GSK3B: variants seen among roughly 807,000 people sequenced by gnomAD.
GSK3B encodes glycogen synthase kinase 3 beta.
In GSK3B, 15 loss-of-function variants were observed where a neutral mutation model predicts 56.4. That is an observed-to-expected ratio of 0.27 (90% CI 0.18 to 0.41). GSK3B has a LOEUF of 0.41. GSK3B is among the 10% of genes least tolerant of loss of function. GSK3B has a pLI of 1.00. For synonymous variants in GSK3B, 181 were observed against 188.9 expected, an observed-to-expected ratio of 0.96 and a Z score of 0.34; for missense variants, 300 against 513.4, an observed-to-expected ratio of 0.58 and a Z score of 4.02.
At chr3:119,981,910 C>T (rs532076348) in intron 2 of GSK3B, among the ~76,000 whole-genome samples, 2 of 152,220 alleles carry the variant, frequency 1.3e-5, no homozygotes, top group African/African-American at 4.8e-5. Context: ...CCCTGACCCC[C>T]GTATAGCCTA....
intron 6 of GSK3B, among the ~76,000 whole-genome samples, chr3:119,908,549 C>T (rs753768545): frequency 1.1e-4 from 17 of 152,188 alleles, no homozygotes; most frequent in Admixed American, 2.0e-4. Context: ...GACACTCAAA[C>T]CCAGGTCGAC....
Position 119,822,713 on chromosome 3 carries a change from A to G in GSK3B, c.*4075T>C, listed in dbSNP as rs2055431708. The stretch of plus-strand genomic sequence containing the variant: ...GAAAAGACAGATTTTATTGTAAAGC[A>G]TACCTACTTTTCCACACAGGGGAGA... On this transcript the variant is annotated 3_prime_UTR_variant, in exon 11 of 11. Coordinates refer to ENST00000264235, the MANE Select transcript of GSK3B (RefSeq NM_001146156.2). The G allele has an allele frequency of 4.4e-6, 1 of 228,360 alleles. No homozygotes were observed. The highest frequency in any genetic ancestry group is 8.7e-6 in the Non-Finnish European group (1 of 115,192). 14.1% of individuals were successfully genotyped at this position (228,360 alleles called of 1,614,324 possible). A position where few individuals can be genotyped will look rare whatever the true frequency, so the allele number is the denominator to read the frequency against.
At chr3:120,026,677 C>T (rs1431060643) in intron 1 of GSK3B, among the ~76,000 whole-genome samples, 1 of 151,470 alleles carries the variant, frequency 6.6e-6, no homozygotes, top group Non-Finnish European at 1.5e-5. Context: ...CGTGCCTCAG[C>T]CTCTCAAGTA....
At position 120,046,831 on chromosome 3, in the gene GSK3B, G is replaced by A. The variant is rs577101759; in HGVS notation, c.89-44592C>T. The stretch of plus-strand genomic sequence containing the variant: ...TCACCTTGTTGGCCAGGCCGTTCTC[G>A]AACTCCTAACCTCAAGTGATCTGCC... On this transcript the variant is annotated intron_variant, in intron 1 of 10. Transcript: ENST00000264235. Among the ~76,000 whole-genome samples the A allele has an allele frequency of 9.9e-5, 15 of 152,144 alleles. 1 individual carries two copies. The highest frequency in any genetic ancestry group is 2.6e-4 in the African/African-American group (11 of 41,526).
Position 119,890,109 on chromosome 3 carries a change from T to C in GSK3B, c.814-13601A>G, listed in dbSNP as rs1039790461. 3.3e-5 allele frequency among the ~76,000 whole-genome samples: 5 copies of C among 152,260 alleles called. 1 individual carries two copies. Among genetic ancestry groups the C allele is most frequent in the African/African-American group, 9.6e-5 (4 of 41,568 alleles). On this transcript the variant is annotated intron_variant, in intron 7 of 10. Transcript: ENST00000264235. ...TAGTTTGGTAACCATACACTTACCA[T>C]ATGATCAGCAATTTCAGCCCTACTT...
chr3:120,093,245 C>A, intron 1 of GSK3B, 102 bp downstream of exon 1: 1 of 785,772 alleles, frequency 1.3e-6, no homozygotes, highest in Non-Finnish European at 2.2e-6. Context: ...TTTTCCATTG[C>A]CTGTTTATCA....
intron 1 of GSK3B, among the ~76,000 whole-genome samples, chr3:120,037,536 G>A (rs1043654895): frequency 2.6e-5 from 4 of 152,018 alleles, no homozygotes; most frequent in South Asian, 2.1e-4. Context: ...TGTGTAATAC[G>A]TCATATGCAA....
At chr3:120,036,146 T>C (rs537297793) in intron 1 of GSK3B, among the ~76,000 whole-genome samples, 3 of 152,330 alleles carry the variant, frequency 2.0e-5, no homozygotes, top group Admixed American at 2.0e-4. Context: ...TTTCCTTCTA[T>C]TCCTAGTTTA....
chr3:119,879,181 T>C (rs2056350508), intron 7 of GSK3B, among the ~76,000 whole-genome samples: 2 of 152,130 alleles, frequency 1.3e-5, no homozygotes, highest in Non-Finnish European at 2.9e-5. Flanking sequence ...CCTTTGTTTA[T>C]TTATATTTAT....
chr3:119,974,254 A>G (rs1002180625), intron 2 of GSK3B, among the ~76,000 whole-genome samples: 17 of 152,210 alleles, frequency 1.1e-4, no homozygotes, highest in Admixed American at 9.8e-4. Context: ...CTCAACAATA[A>G]GAAAACCAAC....
chr3:119,973,343 A>G (rs1349441853), intron 2 of GSK3B, among the ~76,000 whole-genome samples: 1 of 152,210 alleles, frequency 6.6e-6, no homozygotes, highest in Non-Finnish European at 1.5e-5. Flanking sequence ...GTCCTGCTCT[A>G]TCCCACTAGG....
At chr3:120,021,013 T>G (rs1244610641) in intron 1 of GSK3B, among the ~76,000 whole-genome samples, 1 of 152,146 alleles carries the variant, frequency 6.6e-6, no homozygotes, top group Non-Finnish European at 1.5e-5. Context: ...CCTCTTCAAT[T>G]CTCTGAAGGC....
intron 1 of GSK3B, among the ~76,000 whole-genome samples, chr3:120,016,338 A>G (rs1422747694): frequency 6.6e-6 from 1 of 152,184 alleles, no homozygotes; most frequent in Non-Finnish European, 1.5e-5. Context: ...GAGCCACAAT[A>G]TACCATTTAA....
intron 8 of GSK3B, among the ~76,000 whole-genome samples, chr3:119,868,079 A>T (rs1291912787): frequency 6.6e-6 from 1 of 152,126 alleles, no homozygotes; most frequent in African/African-American, 2.4e-5. Flanking sequence ...AATAAATAAA[A>T]CAGAACAAAA....
At chr3:119,958,570 C>T (rs964868453) in intron 2 of GSK3B, among the ~76,000 whole-genome samples, 3 of 151,848 alleles carry the variant, frequency 2.0e-5, no homozygotes, top group African/African-American at 4.8e-5. Flanking sequence ...CCTAGCTACT[C>T]GGGAGACTGA....
rs1451245650 is a variant in GSK3B, at chr3:119,826,433, T to G, written c.*355A>C. 1 of 441,592 alleles carries G rather than the reference T, an allele frequency of 2.3e-6. No individual in the cohort carries two copies. The highest frequency in any genetic ancestry group is 4.2e-6 in the Non-Finnish European group (1 of 239,706). 27.4% of individuals were successfully genotyped at this position (441,592 alleles called of 1,614,324 possible). ...AGCACAGAAAAAGGTTTTCTTCTTT[T>G]GTGGAAGGGGCATGAGGCAGGAGTC... On this transcript the variant is annotated 3_prime_UTR_variant, in exon 11 of 11. Coordinates refer to ENST00000264235, the MANE Select transcript of GSK3B (RefSeq NM_001146156.2).
intron 2 of GSK3B, among the ~76,000 whole-genome samples, chr3:119,983,527 G>C (rs766463610): frequency 1.4e-5 from 2 of 148,072 alleles, no homozygotes; most frequent in African/African-American, 2.5e-5. Context: ...CAAGCAAATG[G>C]AGAGAAAAAA....
chr3:119,833,690 G>GC (rs1265233045), intron 10 of GSK3B, among the ~76,000 whole-genome samples: 1 of 75,788 alleles, frequency 1.3e-5, no homozygotes, highest in African/African-American at 5.2e-5. Flanking sequence ...ACATTAGGTT[G>GC]TTTTTTTTTT....
rs539079067 is a variant in GSK3B, at chr3:119,956,249, A to T, written c.283-8898T>A. Reference sequence around the variant, plus strand: ...AGTGAGTTCAATTTGGGACACATTCATTTTGAAACGACTCAGGGACACTGA... The same window carrying T: ...AGTGAGTTCAATTTGGGACACATTCTTTTTGAAACGACTCAGGGACACTGA... On this transcript the variant is annotated intron_variant, in intron 2 of 10. Coordinates refer to ENST00000264235, the MANE Select transcript of GSK3B (RefSeq NM_001146156.2). Among the ~76,000 whole-genome samples the T allele has an allele frequency of 2.4e-4, 36 of 152,284 alleles. No homozygotes were observed. In the East Asian group the frequency reaches 6.8e-3, roughly 29 times the overall value.
Sources: allele counts gnomAD v4.1 joint callset (sites outside exome capture counted in the v4.1 genomes callset), GRCh38; gene constraint gnomAD v4.1.1; transcripts MANE v1.5; gene names NCBI Gene and HGNC (gene_info 2026-07-23, HGNC 2026-07-21).